The following ENDOD1 variants were observed in gnomAD, a reference collection of about 807,000 sequenced individuals.
ENDOD1 encodes endonuclease domain-containing 1 protein.
Under a neutral mutation model 6.5 loss-of-function variants are expected in ENDOD1, and 9 were observed. That is an observed-to-expected ratio of 1.39 (90% CI 0.84 to 2.43). ENDOD1 has a LOEUF of 2.43. Among genes scored for constraint, ENDOD1 ranks in the 30% most tolerant of loss-of-function variants. ENDOD1 has a pLI of 0.00. For synonymous variants in ENDOD1, 255 were observed against 255.2 expected (o/e 1.00, Z 0.01); for missense variants, 648 against 635.5 (o/e 1.02, Z -0.21).
chr11:95,120,404 C>T (rs949538268), intron 1 of ENDOD1, among the ~76,000 whole-genome samples: 2 of 152,070 alleles, frequency 1.3e-5, no homozygotes, highest in Non-Finnish European at 2.9e-5. Flanking sequence ...AGGACTAGGT[C>T]CTTCCCTTCA....
chr11:95,111,072 C>T (rs114195290), intron 1 of ENDOD1, among the ~76,000 whole-genome samples: 1,586 of 152,258 alleles, frequency 0.01, 32 homozygotes, highest in African/African-American at 0.036. Flanking sequence ...CTGGCAGGCT[C>T]CAAATCTTCA....
At position 95,129,558 on chromosome 11, in the gene ENDOD1, T is replaced by G. The variant is rs763961335; in HGVS notation, c.1482T>G (p.Phe494Leu). The G allele has an allele frequency of 1.7e-5, 28 of 1,613,054 alleles. No homozygotes were observed. The South Asian group carries it at 3.1e-4, about 18-fold the overall frequency. Residue 494 changes from phenylalanine (F) to leucine (L), a missense_variant, in exon 2 of 2, where the codon TTT becomes TTG. Physicochemically the swap from Phe to Leu is conservative, Grantham distance 22. Coordinates refer to ENST00000278505, the MANE Select transcript of ENDOD1 (RefSeq NM_015036.3). The stretch of plus-strand genomic sequence containing the variant: ...AGCGGATTGGCTACAAGGTTACTTT[T>G]GACAATTCTGGGGAGTTATAAACTC... ...VCKRIGYKVT[F>L]DNSGEL is the part of the protein sequence containing the mutation.
intron 1 of ENDOD1, among the ~76,000 whole-genome samples, chr11:95,125,906 G>A (rs1254260084): frequency 6.6e-6 from 1 of 152,084 alleles, no homozygotes; most frequent in Admixed American, 6.5e-5. Flanking sequence ...GTAAACATAC[G>A]TGTGCATGTG....
chr11:95,126,155 A>G (rs1859310133), intron 1 of ENDOD1, among the ~76,000 whole-genome samples: 2 of 152,186 alleles, frequency 1.3e-5, no homozygotes, highest in African/African-American at 4.8e-5. Context: ...GACTTCAGCA[A>G]ATATTCTTGC....
chr11:95,129,427 G>A lies in ENDOD1; in HGVS notation c.1351G>A (p.Val451Ile). 2 of 1,614,170 alleles carry A rather than the reference G, an allele frequency of 1.2e-6. No individual in the cohort carries two copies. Among genetic ancestry groups the A allele is most frequent in the Non-Finnish European group, 8.5e-7 (1 of 1,180,028 alleles). Residue 451 changes from valine (V) to isoleucine (I), a missense_variant, in exon 2 of 2, where the codon GTT (valine) becomes ATT (isoleucine). Coordinates refer to ENST00000278505, the MANE Select transcript of ENDOD1 (RefSeq NM_015036.3). ...PVYTMGAIPI[V>I]CKDIALGLGG... Reference sequence around the variant, plus strand: ...GTACACCATGGGCGCTATTCCAATTGTTTGCAAGGACATTGCACTGGGCCT... The same window carrying A: ...GTACACCATGGGCGCTATTCCAATTATTTGCAAGGACATTGCACTGGGCCT...
chr11:95,110,154 C>T (rs1859133018), intron 1 of ENDOD1, among the ~76,000 whole-genome samples: 1 of 152,250 alleles, frequency 6.6e-6, no homozygotes, highest in South Asian at 2.1e-4. Context: ...CGAATTTTCC[C>T]TATGCTCTTG....
intron 1 of ENDOD1, among the ~76,000 whole-genome samples, chr11:95,096,404 T>C (rs527376810): frequency 1.3e-5 from 2 of 152,182 alleles, no homozygotes; most frequent in South Asian, 2.1e-4. Context: ...AAAAAGAAAC[T>C]GACTCATAGG....
intron 1 of ENDOD1, among the ~76,000 whole-genome samples, chr11:95,094,477 C>T (rs956212101): frequency 1.3e-5 from 2 of 152,176 alleles, no homozygotes; most frequent in Non-Finnish European, 2.9e-5. Flanking sequence ...GGAGCACTTA[C>T]TTGGCTGCAT....
At chr11:95,103,867 A>C (rs777040368) in intron 1 of ENDOD1, among the ~76,000 whole-genome samples, 3 of 152,226 alleles carry the variant, frequency 2.0e-5, no homozygotes, top group Non-Finnish European at 4.4e-5. Flanking sequence ...AGCATGTTGA[A>C]TGAATAAGTA....
At chr11:95,123,685 C>T (rs72979774) in intron 1 of ENDOD1, among the ~76,000 whole-genome samples, 2,383 of 151,408 alleles carry the variant, frequency 0.016, 33 homozygotes, top group Non-Finnish European at 0.022. Flanking sequence ...TTAGGAGAAA[C>T]GTTTTAAGCC....
At chr11:95,120,584 A>C (rs1267462925) in intron 1 of ENDOD1, among the ~76,000 whole-genome samples, 2 of 151,988 alleles carry the variant, frequency 1.3e-5, no homozygotes, top group African/African-American at 2.4e-5. Flanking sequence ...CTTCTCAAGC[A>C]GAAGGAAGAG....
At chr11:95,090,309 G>C in intron 1 of ENDOD1, 82 bp downstream of exon 1, 1 of 1,343,334 alleles carries the variant, frequency 7.4e-7, no homozygotes, top group Non-Finnish European at 9.5e-7. Flanking sequence ...GCTACCGCGA[G>C]GGGCGGGCCG....
rs760708896 is a variant in ENDOD1, at chr11:95,128,999, C to T, written c.923C>T (p.Thr308Ile). The change falls in exon 2 of 2, where the codon ACC becomes ATC. Residue 308 changes from threonine to isoleucine, a missense_variant. Transcript: ENST00000278505. ...SQKSSSPLSSTRSKRSTLLPP... is the reference protein window; with the variant it reads ...SQKSSSPLSSIRSKRSTLLPP... ...AAGAGTTCTAGTCCCCTTTCTAGCA[C>T]CAGGAGCAAGAGGTCTACTCTGTTG... 6 of 1,613,814 alleles carry T rather than the reference C, an allele frequency of 3.7e-6. No individual in the cohort carries two copies. The highest frequency in any genetic ancestry group is 1.1e-5 in the South Asian group (1 of 91,082).
At chr11:95,100,287 C>T (rs1165229579) in intron 1 of ENDOD1, among the ~76,000 whole-genome samples, 2 of 152,078 alleles carry the variant, frequency 1.3e-5, no homozygotes, top group Non-Finnish European at 2.9e-5. Flanking sequence ...TCTGGTTCTC[C>T]TCTATCCTTT....
chr11:95,098,470 A>C (rs572228075), intron 1 of ENDOD1, among the ~76,000 whole-genome samples: 3 of 152,328 alleles, frequency 2.0e-5, no homozygotes, highest in East Asian at 1.9e-4. Context: ...CAGCACATTA[A>C]TTATGTGATG....
At chr11:95,100,852 G>T (rs1396969562) in intron 1 of ENDOD1, among the ~76,000 whole-genome samples, 60 of 84,860 alleles carry the variant, frequency 7.1e-4, no homozygotes, top group South Asian at 2.0e-3. Context: ...ATAGATCTTT[G>T]TACCTGCTGG....
intron 1 of ENDOD1, among the ~76,000 whole-genome samples, chr11:95,121,167 G>C (rs1347398808): frequency 1.3e-5 from 2 of 152,138 alleles, no homozygotes; most frequent in Non-Finnish European, 2.9e-5. Flanking sequence ...TTCTTATGAA[G>C]GTAGTTTTTT....
At chr11:95,124,221 C>T (rs546704123) in intron 1 of ENDOD1, among the ~76,000 whole-genome samples, 74 of 152,236 alleles carry the variant, frequency 4.9e-4, no homozygotes, top group Non-Finnish European at 9.6e-4. Context: ...GAAAAAGTTC[C>T]ATTCCTGCTA....
At chr11:95,104,621 T>C (rs1294281873) in intron 1 of ENDOD1, among the ~76,000 whole-genome samples, 5 of 152,124 alleles carry the variant, frequency 3.3e-5, no homozygotes, top group African/African-American at 4.8e-5. Context: ...TTCAAATTCA[T>C]TGATGCATGA....
Sources: allele counts gnomAD v4.1 joint callset (sites outside exome capture counted in the v4.1 genomes callset), GRCh38; gene constraint gnomAD v4.1.1; transcripts MANE v1.5; gene names NCBI Gene and HGNC (gene_info 2026-07-23, HGNC 2026-07-21).